The following CDKL4 variants were observed in gnomAD, a reference collection of about 807,000 sequenced individuals.
The protein encoded by CDKL4 is cyclin dependent kinase like 4, also known as cyclin-dependent kinase-like 4.
Under a neutral mutation model 42.0 loss-of-function variants are expected in CDKL4, and 44 were observed. The observed-to-expected ratio is 1.05, with a 90% CI of 0.82 to 1.35. The LOEUF (loss-of-function observed/expected upper bound fraction) is 1.35, where lower values mean the gene tolerates loss of function less well. Among genes scored for constraint, CDKL4 ranks in the 40% most tolerant of loss-of-function variants. The pLI is 0.00. For synonymous variants in CDKL4, 120 were observed against 121.6 expected (o/e 0.99, Z 0.09); for missense variants, 393 against 369.9 (o/e 1.06, Z -0.51).
chr2:39,226,282 T>G (rs892225078), intron 2 of CDKL4, among the ~76,000 whole-genome samples: 4 of 151,582 alleles, frequency 2.6e-5, no homozygotes, highest in Non-Finnish European at 5.9e-5. Context: ...GCTTACATAT[T>G]GCCATGGATT....
chr2:39,171,485 T>G (rs1674999061), downstream of CDKL4, among the ~76,000 whole-genome samples: 1 of 152,208 alleles, frequency 6.6e-6, no homozygotes, highest in Admixed American at 6.5e-5. Context: ...CTTCAAAAAG[T>G]GATCTCCTAA....
chr2:39,174,353 T>C (rs1675084197), downstream of CDKL4, among the ~76,000 whole-genome samples: 1 of 151,480 alleles, frequency 6.6e-6, no homozygotes, highest in African/African-American at 2.4e-5. Flanking sequence ...TGAGCTGTGA[T>C]TGCACCACTG....
At chr2:39,178,351 AG>A (rs1350858606) in intron 9 of CDKL4, among the ~76,000 whole-genome samples, 6 of 152,262 alleles carry the variant, frequency 3.9e-5, no homozygotes, top group African/African-American at 1.4e-4. Flanking sequence ...TGAAAGATTA[AG>A]CAAACGCAAA....
chr2:39,226,456 T>TTATATATATATATTA (rs1553393161), intron 2 of CDKL4, among the ~76,000 whole-genome samples: 1 of 137,440 alleles, frequency 7.3e-6, no homozygotes, highest in Non-Finnish European at 1.5e-5. Context: ...TATATATATA[T>TTATATATATATATTA]TATATATATT....
At chr2:39,230,002 T>G (rs757931200) in intron 1 of CDKL4, among the ~76,000 whole-genome samples, 1 of 152,218 alleles carries the variant, frequency 6.6e-6, no homozygotes, top group African/African-American at 2.4e-5. Context: ...AGGAGTTGTG[T>G]AAGAAGACAT....
chr2:39,205,759 C>CACAA (rs1677131268), intron 4 of CDKL4, among the ~76,000 whole-genome samples: 1 of 78,690 alleles, frequency 1.3e-5, no homozygotes, highest in Admixed American at 1.6e-4. Flanking sequence ...GACTCCGTCT[C>CACAA]AAAAAAAAAA....
At chr2:39,182,857 A>G (rs1675516998) in intron 8 of CDKL4, among the ~76,000 whole-genome samples, 2 of 152,222 alleles carry the variant, frequency 1.3e-5, no homozygotes, top group South Asian at 4.1e-4. Flanking sequence ...TAGATTGGCT[A>G]CTGCATGCCA....
In CDKL4 at chr2:39,213,486, T is replaced by A; in HGVS notation, c.291-14A>T. The stretch of plus-strand genomic sequence containing the variant: ...CCATCAGCAACTCTGAGGGAAAAAA[T>A]AAAAAAGGAAATGAAAACTCATAGG... On this transcript the variant is annotated splice_polypyrimidine_tract_variant and intron_variant, in intron 3 of 9. Coordinates refer to ENST00000451199, the Ensembl canonical transcript of CDKL4. 6.3e-7 allele frequency: 1 copy of A among 1,592,082 alleles called. No individual in the cohort carries two copies. The highest frequency in any genetic ancestry group is 8.6e-7 in the Non-Finnish European group (1 of 1,161,416).
intron 1 of CDKL4, among the ~76,000 whole-genome samples, chr2:39,236,135 C>A (rs1237055493): frequency 1.4e-5 from 2 of 139,924 alleles, no homozygotes; most frequent in Non-Finnish European, 1.6e-5. Flanking sequence ...AAAAAAAGAA[C>A]CAAATGGAAA....
intron 1 of CDKL4, among the ~76,000 whole-genome samples, chr2:39,230,833 C>G (rs1363790008): frequency 6.6e-6 from 1 of 152,088 alleles, no homozygotes; most frequent in Non-Finnish European, 1.5e-5. Flanking sequence ...GAAGGTAATA[C>G]AGAATTAGAA....
chr2:39,233,062 A>AG (rs1340887977), intron 1 of CDKL4, among the ~76,000 whole-genome samples: 2 of 58,128 alleles, frequency 3.4e-5, no homozygotes, highest in African/African-American at 1.1e-4. Flanking sequence ...AAAAAAAAAA[A>AG]AGAAAGAAAG....
At chr2:39,225,625 T>A (rs984084027) in intron 3 of CDKL4, among the ~76,000 whole-genome samples, 3 of 152,202 alleles carry the variant, frequency 2.0e-5, no homozygotes, top group African/African-American at 7.2e-5. Context: ...TTCATTTTGA[T>A]TTTATATCTG....
chr2:39,236,473 T>C (rs561918265), intron 1 of CDKL4, among the ~76,000 whole-genome samples: 2 of 152,204 alleles, frequency 1.3e-5, no homozygotes, highest in South Asian at 4.1e-4. Flanking sequence ...GAATTCCAAA[T>C]AGGATAAACA....
intron 3 of CDKL4, among the ~76,000 whole-genome samples, chr2:39,223,152 A>G (rs1165894300): frequency 6.6e-6 from 1 of 152,092 alleles, no homozygotes; most frequent in Non-Finnish European, 1.5e-5. Context: ...CTGGCTGCAT[A>G]TTGTACTATT....
chr2:39,234,573 G>C (rs1237867949), intron 1 of CDKL4, among the ~76,000 whole-genome samples: 1 of 151,950 alleles, frequency 6.6e-6, no homozygotes, highest in Non-Finnish European at 1.5e-5. Flanking sequence ...AAAATTTTCT[G>C]GAAATAAAAT....
At chr2:39,205,568 G>C (rs1396516621) in intron 4 of CDKL4, among the ~76,000 whole-genome samples, 4 of 151,610 alleles carry the variant, frequency 2.6e-5, no homozygotes, top group Admixed American at 2.6e-4. Context: ...AGACCATCCT[G>C]GCCAACACGG....
chr2:39,225,611 CA>C lies in CDKL4; in HGVS notation c.290+227del, dbSNP rs539851919. On this transcript the variant is annotated intron_variant, in intron 3 of 9. Transcript: ENST00000451199. The stretch of plus-strand genomic sequence containing the variant: ...GATAATCCAATACATAATTTAGCCT[CA>C]AATTCATTTTGATTTTATATCTGTG... Among the ~76,000 whole-genome samples the C allele has an allele frequency of 1.7e-4, 26 of 152,270 alleles. No homozygotes were observed. The South Asian group carries it at 4.4e-3, about 25-fold the overall frequency.
At chr2:39,170,296 G>GCAAGA in the CDKL4 span, among the ~76,000 whole-genome samples, 1 of 135,398 alleles carries the variant, frequency 7.4e-6, no homozygotes, top group African/African-American at 2.8e-5. Context: ...AAAAAAAAAA[G>GCAAGA]AAAGAAAAGA....
intron 2 of CDKL4, among the ~76,000 whole-genome samples, chr2:39,226,458 ATATATATTAT>A (rs1678741487): frequency 7.0e-6 from 1 of 142,596 alleles, no homozygotes; most frequent in South Asian, 2.1e-4. Flanking sequence ...TATATATATT[ATATATATTAT>A]ATATATATAA....
Sources: allele counts gnomAD v4.1 joint callset (sites outside exome capture counted in the v4.1 genomes callset), GRCh38; gene constraint gnomAD v4.1.1; transcripts MANE v1.5; gene names NCBI Gene and HGNC (gene_info 2026-07-23, HGNC 2026-07-21).